ADAMTS17: variants seen among roughly 807,000 people sequenced by gnomAD.
ADAMTS17 encodes ADAM metallopeptidase with thrombospondin type 1 motif 17.
Under a neutral mutation model 141.5 loss-of-function variants are expected in ADAMTS17, and 113 were observed. The ratio of observed to expected loss-of-function variants is 0.80; its 90% CI spans 0.69 to 0.93. ADAMTS17 has a LOEUF of 0.93. Ranked by LOEUF, ADAMTS17 falls within the 40% of genes least tolerant of loss-of-function variation. The pLI is 0.00. For missense variants in ADAMTS17, 1,659 were observed against 1,517.9 expected (o/e 1.09, Z -1.54); for synonymous variants, 768 against 630.6 (o/e 1.22, Z -3.27).
intron 10 of ADAMTS17, among the ~76,000 whole-genome samples, chr15:100,134,773 C>T (rs184210595): frequency 1.3e-4 from 20 of 152,304 alleles, no homozygotes; most frequent in Non-Finnish European, 2.6e-4. Context: ...TCATTTTTCA[C>T]GTATGTCGGA....
chr15:100,183,861 A>G (rs1414245736), intron 8 of ADAMTS17, among the ~76,000 whole-genome samples: 2 of 152,142 alleles, frequency 1.3e-5, no homozygotes, highest in Admixed American at 1.3e-4. Flanking sequence ...TGTTATCCCA[A>G]TCTGCTTTGT....
chr15:100,163,864 T>C (rs1055000706), intron 8 of ADAMTS17, among the ~76,000 whole-genome samples: 3 of 152,220 alleles, frequency 2.0e-5, no homozygotes, highest in Non-Finnish European at 4.4e-5. Context: ...CACTACCACT[T>C]TGTCTGAGCA....
intron 2 of ADAMTS17, among the ~76,000 whole-genome samples, chr15:100,337,380 A>G (rs114220215): frequency 2.4e-4 from 37 of 152,352 alleles, no homozygotes; most frequent in African/African-American, 8.7e-4. Context: ...GACTGACCCC[A>G]GTGATTCCAA....
intron 14 of ADAMTS17, among the ~76,000 whole-genome samples, chr15:100,108,368 GT>G (rs1333468420): frequency 6.6e-6 from 1 of 152,144 alleles, no homozygotes; most frequent in Admixed American, 6.5e-5. Flanking sequence ...TAGAGACTGA[GT>G]TTCACCCTGT....
chr15:100,093,204 T>C (rs912587194), intron 15 of ADAMTS17, among the ~76,000 whole-genome samples: 28 of 152,154 alleles, frequency 1.8e-4, no homozygotes, highest in African/African-American at 6.8e-4. Context: ...GGACCTGTCA[T>C]GACAGAGAGG....
intron 7 of ADAMTS17, among the ~76,000 whole-genome samples, chr15:100,241,010 G>C (rs2141896221): frequency 6.6e-6 from 1 of 152,190 alleles, no homozygotes; most frequent in South Asian, 2.1e-4. Flanking sequence ...ATTTTTAGTA[G>C]AGATGGTGTT....
chr15:100,307,979 T>G lies in ADAMTS17; in HGVS notation c.616+22910A>C, dbSNP rs60629139. ...CAAAATTCAACCTACGAGTACGTTC[T>G]AAGCAGCTGGTGCATATCCTGCCAA... On this transcript the variant is annotated intron_variant, in intron 3 of 21. Transcript: ENST00000268070. Among the ~76,000 whole-genome samples the G allele has an allele frequency of 5.4e-3, 828 of 152,392 alleles. 14 individuals carry two copies. In the East Asian group the frequency reaches 0.069, roughly 13 times the overall value.
chr15:100,044,222 T>G (rs575293314), intron 18 of ADAMTS17, among the ~76,000 whole-genome samples: 1 of 152,330 alleles, frequency 6.6e-6, no homozygotes, highest in African/African-American at 2.4e-5. Context: ...CTGGGAAATT[T>G]TTGATCACTG....
intron 18 of ADAMTS17, among the ~76,000 whole-genome samples, chr15:100,025,389 C>A (rs2917199): frequency 0.11 from 17,015 of 150,096 alleles, 2,618 homozygotes; most frequent in African/African-American, 0.35. Context: ...GCCAATTTGA[C>A]AATCTTTTTC....
chr15:100,091,932 G>A (rs1028785041), intron 15 of ADAMTS17, among the ~76,000 whole-genome samples: 1 of 152,140 alleles, frequency 6.6e-6, no homozygotes, highest in African/African-American at 2.4e-5. Context: ...AGAACTCATT[G>A]TTTGGGAAAC....
At chr15:100,338,180 G>A (rs914341167) in intron 2 of ADAMTS17, among the ~76,000 whole-genome samples, 1 of 152,188 alleles carries the variant, frequency 6.6e-6, no homozygotes, top group Non-Finnish European at 1.5e-5. Flanking sequence ...AAAGGAATGC[G>A]GCAGGCCCAT....
intron 10 of ADAMTS17, among the ~76,000 whole-genome samples, chr15:100,150,939 G>A (rs140572549): frequency 1.0e-3 from 153 of 152,338 alleles, no homozygotes; most frequent in African/African-American, 3.6e-3. Context: ...GGTGCCATCC[G>A]TGCACTGCAG....
intron 4 of ADAMTS17, among the ~76,000 whole-genome samples, chr15:100,275,476 C>A (rs554587735): frequency 6.6e-6 from 1 of 152,222 alleles, no homozygotes; most frequent in African/African-American, 2.4e-5. Context: ...GCTCCAGCAG[C>A]TGTCAAGGCC....
At chr15:100,127,211 G>A (rs2037783852) in intron 12 of ADAMTS17, among the ~76,000 whole-genome samples, 1 of 152,174 alleles carries the variant, frequency 6.6e-6, no homozygotes, top group Admixed American at 6.5e-5. Flanking sequence ...GACCTTATTT[G>A]GCAAAAGGGC....
intron 3 of ADAMTS17, among the ~76,000 whole-genome samples, chr15:100,325,139 C>A (rs2045859649): frequency 6.6e-6 from 1 of 152,064 alleles, no homozygotes; most frequent in Non-Finnish European, 1.5e-5. Context: ...GGTTACAGCA[C>A]CCCTGGTTCT....
chr15:99,995,671 TA>T (rs1270857441), intron 19 of ADAMTS17, among the ~76,000 whole-genome samples: 1 of 152,182 alleles, frequency 6.6e-6, no homozygotes, highest in African/African-American at 2.4e-5. Context: ...ACCACGTCAA[TA>T]AAAACTCTCC....
intron 2 of ADAMTS17, chr15:100,338,983 G>A (rs547592967): frequency 3.0e-5 from 30 of 985,484 alleles, no homozygotes; most frequent in African/African-American, 2.3e-4. Flanking sequence ...TCTTCCCTCC[G>A]GCCTTCAGTA....
intron 15 of ADAMTS17, among the ~76,000 whole-genome samples, chr15:100,084,991 G>C (rs895066777): frequency 6.6e-6 from 1 of 152,196 alleles, no homozygotes; most frequent in Admixed American, 6.5e-5. Context: ...AAGCTGGATG[G>C]AGAATGACTT....
chr15:100,241,816 T>C (rs2042836417), intron 7 of ADAMTS17, among the ~76,000 whole-genome samples: 1 of 152,150 alleles, frequency 6.6e-6, no homozygotes, highest in African/African-American at 2.4e-5. Context: ...AAGCTCCCTC[T>C]CAGCACAACA....
Sources: allele counts gnomAD v4.1 joint callset (sites outside exome capture counted in the v4.1 genomes callset), GRCh38; gene constraint gnomAD v4.1.1; transcripts MANE v1.5; gene names NCBI Gene and HGNC (gene_info 2026-07-23, HGNC 2026-07-21).